TEX11: variants seen among roughly 807,000 people sequenced by gnomAD.
TEX11 encodes the protein testis-expressed protein 11.
TEX11 carries 7 observed loss-of-function variants against 84.4 expected under a neutral mutation model. The observed-to-expected ratio is 0.08, with a 90% CI of 0.05 to 0.16. The LOEUF is 0.16. TEX11 is among the 10% of genes least tolerant of loss of function. TEX11 has a pLI of 1.00. For synonymous variants in TEX11, 264 were observed against 222.8 expected, an observed-to-expected ratio of 1.18 and a Z score of -1.64; for missense variants, 551 against 660.5, an observed-to-expected ratio of 0.83 and a Z score of 1.82.
At chrX:70,698,622 C>T (rs2090301169) in intron 13 of TEX11, among the ~76,000 whole-genome samples, 1 of 110,186 alleles carries the variant, frequency 9.1e-6, no homozygotes, top group African/African-American at 3.3e-5. Flanking sequence ...ACTGCAGAAA[C>T]TATTCCAATT....
chrX:70,626,993 G>A (rs1462930338), intron 18 of TEX11, among the ~76,000 whole-genome samples: 1 of 112,110 alleles, frequency 8.9e-6, no homozygotes, highest in Admixed American at 9.5e-5. Flanking sequence ...GTGGTGTCCT[G>A]GAAGCCAACT....
chrX:70,795,075 C>G (rs1300031997), intron 9 of TEX11, among the ~76,000 whole-genome samples: 1 of 109,020 alleles, frequency 9.2e-6, no homozygotes, highest in East Asian at 2.9e-4. Flanking sequence ...ATTTCTGGAC[C>G]TACCCTGGGC....
At chrX:70,588,623 A>C (rs746771832) in intron 25 of TEX11, among the ~76,000 whole-genome samples, 44 of 112,030 alleles carry the variant, frequency 3.9e-4, no homozygotes, top group African/African-American at 1.2e-3. Flanking sequence ...GCAGTATGAA[A>C]ATGGACTAAT....
At chrX:70,752,383 G>A (rs2090833054) in intron 9 of TEX11, among the ~76,000 whole-genome samples, 1 of 108,584 alleles carries the variant, frequency 9.2e-6, no homozygotes, top group Admixed American at 9.9e-5. Flanking sequence ...AAATTAGCCG[G>A]GCGTGGTGGC....
chrX:70,892,085 T>G (rs1032932267), intron 2 of TEX11, among the ~76,000 whole-genome samples: 4 of 111,415 alleles, frequency 3.6e-5, no homozygotes, highest in Admixed American at 1.9e-4. Flanking sequence ...TATTCAACAT[T>G]CTTAAAGAAA....
chrX:70,582,682 T>C (rs1417549564), intron 25 of TEX11, among the ~76,000 whole-genome samples: 1 of 111,047 alleles, frequency 9.0e-6, no homozygotes, highest in Non-Finnish European at 1.9e-5. Flanking sequence ...TTTAGAATTG[T>C]GTTACCTCCT....
chrX:70,642,098 T>A (rs1182648814), intron 17 of TEX11, among the ~76,000 whole-genome samples: 3 of 110,414 alleles, frequency 2.7e-5, no homozygotes, highest in African/African-American at 9.9e-5. Context: ...TCACCACCGA[T>A]CCCACAGAAA....
At chrX:70,724,046 A>G in intron 12 of TEX11, 13 of 744,201 alleles carry the variant, frequency 1.7e-5, no homozygotes, top group Non-Finnish European at 1.7e-5. Flanking sequence ...ATAAAGAACA[A>G]TTTCATTTTA....
At chrX:70,530,356 C>T (rs1428089971) in intron 28 of TEX11, among the ~76,000 whole-genome samples, 2 of 111,972 alleles carry the variant, frequency 1.8e-5, no homozygotes, top group African/African-American at 3.2e-5. Flanking sequence ...CTCTACTTTT[C>T]GGATAAGGTT....
At chrX:70,546,291 C>A (rs1275595447) in intron 28 of TEX11, among the ~76,000 whole-genome samples, 2 of 111,957 alleles carry the variant, frequency 1.8e-5, no homozygotes. Flanking sequence ...AAGTATAAAA[C>A]TTCTACAGAA....
At chrX:70,606,474 C>T (rs1021503762) in intron 23 of TEX11, among the ~76,000 whole-genome samples, 2 of 111,995 alleles carry the variant, frequency 1.8e-5, no homozygotes, top group Non-Finnish European at 3.8e-5. Flanking sequence ...ACTCACAAAT[C>T]GCTACACTCA....
At chrX:70,703,116 TAAA>T (rs1307240949) in intron 13 of TEX11, among the ~76,000 whole-genome samples, 1 of 111,321 alleles carries the variant, frequency 9.0e-6, no homozygotes, top group East Asian at 2.8e-4. Context: ...ACAAAGAAGT[TAAA>T]AACTTACCTA....
At chrX:70,764,763 G>C (rs951053084) in intron 9 of TEX11, among the ~76,000 whole-genome samples, 1 of 111,335 alleles carries the variant, frequency 9.0e-6, no homozygotes, top group African/African-American at 3.3e-5. Context: ...AACCTACCAA[G>C]TTTGAAGCAT....
In TEX11 at chrX:70,885,451, CCAAAAATTT is replaced by C. The variant is rs749901105; in HGVS notation, c.38-5351_38-5343del. Among the ~76,000 whole-genome samples the C allele has an allele frequency of 1.4e-3, 159 of 111,245 alleles. 1 individual carries two copies. Among genetic ancestry groups the C allele is most frequent in the Middle Eastern group, 4.7e-3 (1 of 215 alleles). On this transcript the variant is annotated intron_variant, in intron 2 of 29. Coordinates refer to ENST00000374333, the MANE Select transcript of TEX11 (RefSeq NM_031276.3). The stretch of plus-strand genomic sequence containing the variant: ...CAGAGATAGAAAATATTTTAAAGTA[CCAAAAATTT>C]CTCCAAGAAGATATACAAATGGCCA...
In TEX11 at chrX:70,773,398, GA is replaced by G. The variant is rs779223780; in HGVS notation, c.693-29180del. ...GAATGATACATTCTACATGCTGAAA[GA>G]AAAAAAACTGCCTAGAAGAATATTG... On this transcript the variant is annotated intron_variant, in intron 9 of 29. Transcript: ENST00000374333. Among the ~76,000 whole-genome samples, 106 of 110,222 alleles carry G rather than the reference GA, an allele frequency of 9.6e-4. No individual in the cohort carries two copies. The East Asian group carries it at 0.019, about 19-fold the overall frequency.
At chrX:70,665,602 CAAACCAAAGA>C (rs1569389427) in intron 16 of TEX11, among the ~76,000 whole-genome samples, 1 of 111,371 alleles carries the variant, frequency 9.0e-6, no homozygotes, top group Non-Finnish European at 1.9e-5. Flanking sequence ...ATTTAGAAAA[CAAACCAAAGA>C]AATGATCTAT....
At chrX:70,732,038 A>G (rs933833058) in intron 11 of TEX11, among the ~76,000 whole-genome samples, 3 of 112,015 alleles carry the variant, frequency 2.7e-5, no homozygotes, top group Admixed American at 9.5e-5. Context: ...TATAAACAGA[A>G]CCAATGACAA....
chrX:70,711,870 T>G (rs1250955261), intron 13 of TEX11, among the ~76,000 whole-genome samples: 1 of 111,704 alleles, frequency 9.0e-6, no homozygotes, highest in East Asian at 2.8e-4. Context: ...TGCCCATGCC[T>G]ATGTCCTGAA....
At chrX:70,565,250 GT>G (rs749188458) in intron 25 of TEX11, among the ~76,000 whole-genome samples, 8,960 of 104,339 alleles carry the variant, frequency 0.086, 852 homozygotes, top group African/African-American at 0.26. Context: ...TTTTGATGGG[GT>G]TTTTTTTTTT....
Sources: allele counts gnomAD v4.1 joint callset (sites outside exome capture counted in the v4.1 genomes callset), GRCh38; gene constraint gnomAD v4.1.1; transcripts MANE v1.5; gene names NCBI Gene and HGNC (gene_info 2026-07-23, HGNC 2026-07-21).